The following RAPGEF4 variants were observed in gnomAD, a reference collection of about 807,000 sequenced individuals.
RAPGEF4 encodes the protein Rap guanine nucleotide exchange factor 4, also known as RAP guanine-nucleotide-exchange factor (GEF) 4.
RAPGEF4 carries 66 observed loss-of-function variants against 147.9 expected under a neutral mutation model. That is an observed-to-expected ratio of 0.45 (90% confidence interval 0.37 to 0.55). The LOEUF is 0.55. RAPGEF4 is among the 20% of genes least tolerant of loss of function. The pLI is 0.00. For missense variants in RAPGEF4, 1,071 were observed against 1,257.3 expected, an observed-to-expected ratio of 0.85 and a Z score of 2.24; for synonymous variants, 419 against 442.7, an observed-to-expected ratio of 0.95 and a Z score of 0.67.
intron 1 of RAPGEF4, among the ~76,000 whole-genome samples, chr2:172,763,425 TG>T (rs1423696805): frequency 6.6e-6 from 1 of 152,186 alleles, no homozygotes; most frequent in Non-Finnish European, 1.5e-5. Context: ...GGGTGTTTAA[TG>T]TAATTTTCAT....
intron 4 of RAPGEF4, among the ~76,000 whole-genome samples, chr2:172,877,799 T>C (rs1313692789): frequency 6.6e-6 from 1 of 152,218 alleles, no homozygotes; most frequent in Admixed American, 6.5e-5. Flanking sequence ...GAGTGTGTTA[T>C]GGGTGAGGGA....
intron 1 of RAPGEF4, among the ~76,000 whole-genome samples, chr2:172,748,356 G>A (rs1212840457): frequency 6.6e-6 from 1 of 152,154 alleles, no homozygotes; most frequent in Non-Finnish European, 1.5e-5. Flanking sequence ...AGGTTTAATG[G>A]ACTCATAGTT....
chr2:172,861,589 C>A (rs1166381431), intron 4 of RAPGEF4, among the ~76,000 whole-genome samples: 1 of 152,160 alleles, frequency 6.6e-6, no homozygotes, highest in African/African-American at 2.4e-5. Context: ...AAAGAATAAA[C>A]CTTGACCAAA....
At chr2:172,997,433 T>C (rs1693477499) in intron 16 of RAPGEF4, among the ~76,000 whole-genome samples, 1 of 151,686 alleles carries the variant, frequency 6.6e-6, no homozygotes, top group Non-Finnish European at 1.5e-5. Flanking sequence ...TCTGAGATAC[T>C]GGAGGTTAGT....
At chr2:172,925,929 AAG>A (rs1383756141) in intron 6 of RAPGEF4, among the ~76,000 whole-genome samples, 146 of 138,114 alleles carry the variant, frequency 1.1e-3, no homozygotes, top group South Asian at 3.2e-3. Context: ...GTAAAAAAGA[AAG>A]AGGAGGGAGG....
intron 4 of RAPGEF4, among the ~76,000 whole-genome samples, chr2:172,878,571 T>C (rs1696230608): frequency 6.6e-6 from 1 of 152,198 alleles, no homozygotes. Flanking sequence ...GACAGCATAT[T>C]TCACTGAGAG....
intron 18 of RAPGEF4, 39 bp from the exon 19 acceptor site, chr2:173,016,310 C>A (rs1281154564): frequency 2.1e-6 from 3 of 1,401,070 alleles, no homozygotes; most frequent in Non-Finnish European, 3.0e-6. Context: ...GTGCCTTTTG[C>A]AGTTCTTGTT....
In RAPGEF4 at chr2:172,797,632, T is replaced by C. The variant is rs1025816625; in HGVS notation, c.297+19T>C. 5.7e-6 allele frequency: 9 copies of C among 1,576,256 alleles called. No individual in the cohort carries two copies. The highest frequency in any genetic ancestry group is 3.5e-6 in the Non-Finnish European group (4 of 1,150,630). On this transcript the variant is annotated intron_variant, in intron 3 of 30. Coordinates refer to ENST00000397081, the MANE Select transcript of RAPGEF4 (RefSeq NM_007023.4). ...TCACCAGGTAATATGGTCTATTTTT[T>C]TGAAAGTAGGATTTATTTTTTTTAA...
At chr2:173,015,891 C>T (rs3769227) in intron 18 of RAPGEF4, among the ~76,000 whole-genome samples, 8,580 of 152,066 alleles carry the variant, frequency 0.056, 333 homozygotes, top group East Asian at 0.1. Context: ...AATGTGAAAA[C>T]GAACATTAAA....
intron 1 of RAPGEF4, among the ~76,000 whole-genome samples, chr2:172,783,046 A>G (rs890429590): frequency 6.6e-6 from 1 of 152,202 alleles, no homozygotes. Flanking sequence ...ACAAATTGCA[A>G]CACTGTAGAT....
chr2:172,758,666 G>T (rs114134936), intron 1 of RAPGEF4, among the ~76,000 whole-genome samples: 1,614 of 152,282 alleles, frequency 0.011, 15 homozygotes, highest in South Asian at 0.03. Flanking sequence ...AAGAGTCAAG[G>T]ATAATTCTAA....
At chr2:173,033,502 A>G (rs547499859) in intron 26 of RAPGEF4, among the ~76,000 whole-genome samples, 5 of 152,230 alleles carry the variant, frequency 3.3e-5, no homozygotes, top group Admixed American at 6.5e-5. Context: ...AGGAGGGTTG[A>G]AAGAGATAGT....
chr2:172,922,372 C>G (rs1235732641), intron 6 of RAPGEF4, 72 bp downstream of exon 6: 4 of 1,388,176 alleles, frequency 2.9e-6, no homozygotes, highest in East Asian at 2.3e-5. Flanking sequence ...GTAACCCTAC[C>G]AACAAAGAGA....
At chr2:172,954,933 G>A (rs1463323068) in intron 6 of RAPGEF4, among the ~76,000 whole-genome samples, 1 of 152,158 alleles carries the variant, frequency 6.6e-6, no homozygotes, top group Admixed American at 6.5e-5. Context: ...TTTTGGCCAG[G>A]TACCTTATCA....
At chr2:172,883,318 C>T (rs565637382) in intron 4 of RAPGEF4, among the ~76,000 whole-genome samples, 1 of 152,170 alleles carries the variant, frequency 6.6e-6, no homozygotes, top group African/African-American at 2.4e-5. Context: ...AGCAACAGAG[C>T]ATGCTTGCAA....
At chr2:172,968,133 C>T (rs1690055719) in intron 10 of RAPGEF4, among the ~76,000 whole-genome samples, 1 of 152,164 alleles carries the variant, frequency 6.6e-6, no homozygotes, top group Non-Finnish European at 1.5e-5. Flanking sequence ...TGCTATGGGG[C>T]ATATAAAGAA....
rs115942568 is a variant in RAPGEF4 at position 172,804,454 on chromosome 2, C to A, written c.297+6841C>A. ...GTTCATTTACAGAGCATTTCAGGAA[C>A]TTTCTTTGGTTTGAGCCTACCCTGT... On this transcript the variant is annotated intron_variant, in intron 3 of 30. Coordinates refer to ENST00000397081, the MANE Select transcript of RAPGEF4 (RefSeq NM_007023.4). Among the ~76,000 whole-genome samples the A allele has an allele frequency of 6.6e-5, 10 of 152,272 alleles. No homozygotes were observed. In the East Asian group the frequency reaches 1.9e-3, roughly 29 times the overall value.
At chr2:172,919,895 T>G (rs1684542017) in intron 5 of RAPGEF4, among the ~76,000 whole-genome samples, 1 of 152,066 alleles carries the variant, frequency 6.6e-6, no homozygotes, top group South Asian at 2.1e-4. Context: ...CACCCCTGCT[T>G]GCCCGGGCCC....
chr2:173,016,345 A>G lies in RAPGEF4; in HGVS notation c.1810-4A>G. Reference sequence around the variant, plus strand: ...TAAAAGCCTGTGACTTTTGCCAATTACAGGAGTTTTATGTATCTGTATCAG... The same window carrying G: ...TAAAAGCCTGTGACTTTTGCCAATTGCAGGAGTTTTATGTATCTGTATCAG... On this transcript the variant is annotated splice_polypyrimidine_tract_variant and splice_region_variant and intron_variant, in intron 18 of 30. Transcript: ENST00000397081. 1 of 1,608,362 alleles carries G rather than the reference A, an allele frequency of 6.2e-7. No individual in the cohort carries two copies. Among genetic ancestry groups the G allele is most frequent in the Middle Eastern group, 1.7e-4 (1 of 6,048 alleles).
Sources: gnomAD v4.1 joint callset for allele counts (sites outside exome capture counted in the v4.1 genomes callset) on GRCh38, gnomAD v4.1.1 for gene constraint, MANE v1.5 for transcripts, NCBI Gene and HGNC (gene_info 2026-07-23, HGNC 2026-07-21) for gene names.